The following RIC1 variants were observed in gnomAD, a reference collection of about 807,000 sequenced individuals.
The protein encoded by RIC1 is RIC1 partner of RAB6A GEF complex.
A neutral mutation model predicts 169.0 loss-of-function variants in RIC1; 88 were observed. That is an observed-to-expected ratio of 0.52 (90% CI 0.44 to 0.62). RIC1 has a LOEUF of 0.62. RIC1 is among the 20% of genes least tolerant of loss of function. The pLI, the probability that RIC1 is intolerant of heterozygous loss-of-function variation, is 0.00. For synonymous variants in RIC1, 790 were observed against 601.5 expected (o/e 1.31, Z -4.59); for missense variants, 1,877 against 1,725.5 (o/e 1.09, Z -1.56).
intron 6 of RIC1, among the ~76,000 whole-genome samples, chr9:5,731,307 A>G (rs542569485): frequency 2.2e-4 from 34 of 152,220 alleles, no homozygotes; most frequent in Non-Finnish European, 4.1e-4. Flanking sequence ...CAGAGAAATA[A>G]TGCTCACTGC....
intron 6 of RIC1, among the ~76,000 whole-genome samples, chr9:5,728,300 C>T: frequency 6.6e-6 from 1 of 152,228 alleles, no homozygotes; most frequent in East Asian, 1.9e-4. Flanking sequence ...AGTTGCTGTG[C>T]TAGCAGTGAG....
rs546538166 is a variant in RIC1, at chr9:5,679,749, A to G, written c.253-10210A>G. On this transcript the variant is annotated intron_variant, in intron 2 of 25. Coordinates refer to ENST00000414202, the MANE Select transcript of RIC1 (RefSeq NM_020829.4). ...CTTAAGGAGATTTTGGGCTGATACG[A>G]TGGGGTTTTCTAGATATACAATCAT... 1.7e-3 allele frequency among the ~76,000 whole-genome samples: 266 copies of G among 152,282 alleles called. 1 individual carries two copies. The East Asian group carries it at 0.02, about 11-fold the overall frequency.
chr9:5,640,070 A>T (rs541465417), intron 1 of RIC1, among the ~76,000 whole-genome samples: 4 of 152,058 alleles, frequency 2.6e-5, no homozygotes, highest in African/African-American at 9.7e-5. Flanking sequence ...TTTGTATTCA[A>T]TGCTATTATT....
In RIC1 at chr9:5,756,311, G is replaced by C. The variant is rs149979742; in HGVS notation, c.1792G>C (p.Val598Leu). 1.7e-5 allele frequency: 27 copies of C among 1,596,962 alleles called. No homozygotes were observed. The highest frequency in any genetic ancestry group is 2.2e-5 in the Non-Finnish European group (26 of 1,169,620). The change falls in exon 16 of 26, where the codon GTA becomes CTA. Residue 598 changes from valine (V) to leucine (L), a missense_variant. Coordinates refer to ENST00000414202, the MANE Select transcript of RIC1 (RefSeq NM_020829.4). ...ACTGCTTAGTGTCTTCCAGGACATG[G>C]TAATAGTATTTAGAGCAGACTGTTC... ...TLLLSVFQDM[V>L]IVFRADCSIC...
intron 8 of RIC1, among the ~76,000 whole-genome samples, chr9:5,742,079 C>T (rs1825116411): frequency 6.6e-6 from 1 of 152,154 alleles, no homozygotes; most frequent in Non-Finnish European, 1.5e-5. Context: ...TATTATTTTC[C>T]ATTCACTTCC....
At chr9:5,713,800 GTTTTA>G (rs1823074014) in intron 3 of RIC1, 91 bp from the exon 4 acceptor site, 1 of 724,962 alleles carries the variant, frequency 1.4e-6, no homozygotes, top group South Asian at 2.1e-5. Context: ...TGATTTGTAA[GTTTTA>G]TTTCATTTAC....
At chr9:5,674,123 T>A (rs1366970180) in intron 2 of RIC1, among the ~76,000 whole-genome samples, 1 of 152,086 alleles carries the variant, frequency 6.6e-6, no homozygotes, top group Non-Finnish European at 1.5e-5. Flanking sequence ...TGTGCAAATG[T>A]CCCTGGAAAA....
chr9:5,745,001 C>T (rs1825295676), intron 10 of RIC1, among the ~76,000 whole-genome samples: 1 of 152,124 alleles, frequency 6.6e-6, no homozygotes, highest in Non-Finnish European at 1.5e-5. Flanking sequence ...AATAGTGGTT[C>T]CCAAACTTTC....
intron 2 of RIC1, among the ~76,000 whole-genome samples, chr9:5,662,286 T>A (rs980276939): frequency 6.6e-6 from 1 of 152,122 alleles, no homozygotes; most frequent in South Asian, 2.1e-4. Flanking sequence ...GGCCTGAGGT[T>A]TTCTTTTTTT....
intron 1 of RIC1, among the ~76,000 whole-genome samples, chr9:5,632,085 T>C (rs942307671): frequency 4.6e-5 from 7 of 152,218 alleles, no homozygotes; most frequent in Admixed American, 4.6e-4. Context: ...AGTTGAAGTC[T>C]TACAGCTGCT....
chr9:5,766,207 A>G (rs1196383081), intron 21 of RIC1, among the ~76,000 whole-genome samples: 2 of 152,068 alleles, frequency 1.3e-5, no homozygotes, highest in East Asian at 1.9e-4. Flanking sequence ...ACACTCGGCT[A>G]ATTTTCATAT....
rs1450667012 is a variant in RIC1, at chr9:5,685,762, C to G, written c.253-4197C>G. ...CACCAAAAGCAATGGCAACAAAAGC[C>G]AAAATTGACAAATGGGATGTAATTC... On this transcript the variant is annotated intron_variant, in intron 2 of 25. Coordinates refer to ENST00000414202, the MANE Select transcript of RIC1 (RefSeq NM_020829.4). Among the ~76,000 whole-genome samples, 69 of 147,774 alleles carry G rather than the reference C, an allele frequency of 4.7e-4. 1 individual carries two copies. The East Asian group carries it at 0.01, about 22-fold the overall frequency.
intron 5 of RIC1, 93 bp downstream of exon 5, chr9:5,720,417 C>G: frequency 7.5e-7 from 1 of 1,335,814 alleles, no homozygotes; most frequent in Non-Finnish European, 1.0e-6. Context: ...TTTGGAATTA[C>G]TTATGCAAGG....
Position 5,692,647 on chromosome 9 carries a change from T to A in RIC1, c.332+2609T>A, listed in dbSNP as rs565977653. Among the ~76,000 whole-genome samples, 61 of 152,150 alleles carry A rather than the reference T, an allele frequency of 4.0e-4. 1 individual carries two copies. In the South Asian group the frequency reaches 0.012, roughly 30 times the overall value. On this transcript the variant is annotated intron_variant, in intron 3 of 25. Coordinates refer to ENST00000414202, the MANE Select transcript of RIC1 (RefSeq NM_020829.4). ...TTACTTAGTCTAGTGAGTTTCTTGG[T>A]TTTTCTGCAGAACCCATTTGTACAA...
chr9:5,685,166 A>T (rs941096227), intron 2 of RIC1, among the ~76,000 whole-genome samples: 1 of 151,294 alleles, frequency 6.6e-6, no homozygotes, highest in Non-Finnish European at 1.5e-5. Context: ...GCTCATGGGT[A>T]GGAAGAATCA....
chr9:5,674,157 G>A (rs10815265), intron 2 of RIC1, among the ~76,000 whole-genome samples: 46,304 of 151,810 alleles, frequency 0.31, 8,022 homozygotes, highest in East Asian at 0.59. Flanking sequence ...CATAAAAATT[G>A]ATAATGATTA....
At chr9:5,692,446 C>T (rs540507998) in intron 3 of RIC1, among the ~76,000 whole-genome samples, 1 of 152,118 alleles carries the variant, frequency 6.6e-6, no homozygotes, top group African/African-American at 2.4e-5. Context: ...GTGTTTACTT[C>T]ATTTCTAAGC....
intron 3 of RIC1, among the ~76,000 whole-genome samples, chr9:5,691,768 C>T (rs1313868215): frequency 6.6e-6 from 1 of 151,878 alleles, no homozygotes; most frequent in African/African-American, 2.4e-5. Flanking sequence ...AAATAAAAAG[C>T]AGTAATCAGA....
chr9:5,633,671 A>G (rs993858588), intron 1 of RIC1, among the ~76,000 whole-genome samples: 1 of 152,176 alleles, frequency 6.6e-6, no homozygotes, highest in Non-Finnish European at 1.5e-5. Flanking sequence ...TGATAATCAC[A>G]ATCAGTCTAA....
Sources: gnomAD v4.1 joint callset for allele counts (sites outside exome capture counted in the v4.1 genomes callset) on GRCh38, gnomAD v4.1.1 for gene constraint, MANE v1.5 for transcripts, NCBI Gene and HGNC (gene_info 2026-07-23, HGNC 2026-07-21) for gene names.